The following ACAP2 variants were observed in gnomAD, a reference collection of about 807,000 sequenced individuals.
ACAP2 encodes the protein ArfGAP with coiled-coil, ankyrin repeat and PH domains 2.
ACAP2 carries 39 observed loss-of-function variants against 115.8 expected under a neutral mutation model. The observed-to-expected ratio is 0.34, with a 90% CI of 0.26 to 0.44. The LOEUF (loss-of-function observed/expected upper bound fraction) is 0.44, where lower values mean the gene tolerates loss of function less well. Among genes scored for constraint, ACAP2 ranks in the 20% least tolerant of loss-of-function variants. The pLI is 1.00. For missense variants in ACAP2, 662 were observed against 927.6 expected, an observed-to-expected ratio of 0.71 and a Z score of 3.72; for synonymous variants, 289 against 315.8, an observed-to-expected ratio of 0.92 and a Z score of 0.90.
intron 4 of ACAP2, among the ~76,000 whole-genome samples, chr3:195,350,859 A>G (rs1487358474): frequency 6.6e-6 from 1 of 152,112 alleles, no homozygotes; most frequent in East Asian, 1.9e-4. Flanking sequence ...AACATTTATA[A>G]AATTTAACTT....
chr3:195,295,266 C>A (rs766974719), intron 17 of ACAP2: 1 of 1,291,690 alleles, frequency 7.7e-7, no homozygotes, highest in South Asian at 1.2e-5. Flanking sequence ...AAAACAGAGA[C>A]TCCCGCCTGG....
At chr3:195,343,646 C>G (rs1194839203) in intron 5 of ACAP2, among the ~76,000 whole-genome samples, 1 of 152,150 alleles carries the variant, frequency 6.6e-6, no homozygotes, top group African/African-American at 2.4e-5. Context: ...TGGAACACAT[C>G]AATTTCTGAA....
intron 16 of ACAP2, among the ~76,000 whole-genome samples, 155 bp from the exon 17 acceptor site, chr3:195,296,047 T>C (rs926464024): frequency 2.0e-5 from 3 of 152,180 alleles, no homozygotes; most frequent in Non-Finnish European, 2.9e-5. Flanking sequence ...ATATATTATG[T>C]TTCCCTTCCA....
At chr3:195,352,285 T>C (rs1731663478) in intron 4 of ACAP2, among the ~76,000 whole-genome samples, 1 of 152,180 alleles carries the variant, frequency 6.6e-6, no homozygotes, top group Non-Finnish European at 1.5e-5. Context: ...CTGCCTAGGT[T>C]TGTGATAAGT....
intron 10 of ACAP2, among the ~76,000 whole-genome samples, chr3:195,314,676 C>T (rs1728976099): frequency 1.3e-5 from 2 of 152,160 alleles, no homozygotes; most frequent in East Asian, 1.9e-4. Context: ...AAACAAAAAA[C>T]GTGCCCTAAA....
chr3:195,316,774 ACT>A (rs1391544803), intron 10 of ACAP2, among the ~76,000 whole-genome samples: 1 of 152,036 alleles, frequency 6.6e-6, no homozygotes, highest in Admixed American at 6.6e-5. Context: ...TTTTATATTA[ACT>A]CTCAGGTTCA....
intron 22 of ACAP2, among the ~76,000 whole-genome samples, chr3:195,281,430 A>G (rs936063936): frequency 6.6e-6 from 1 of 152,164 alleles, no homozygotes; most frequent in African/African-American, 2.4e-5. Flanking sequence ...AGGAAAAAAA[A>G]TCTAATACTT....
chr3:195,309,489 T>G (rs1728622049), intron 10 of ACAP2, among the ~76,000 whole-genome samples: 1 of 149,636 alleles, frequency 6.7e-6, no homozygotes. Context: ...GAGGTTGCAG[T>G]GAGCCGAGAT....
intron 1 of ACAP2, among the ~76,000 whole-genome samples, chr3:195,421,982 TTC>T (rs1460519895): frequency 6.6e-6 from 1 of 152,210 alleles, no homozygotes; most frequent in Non-Finnish European, 1.5e-5. Flanking sequence ...ATTTCTGCTA[TTC>T]TGTTATATCC....
intron 3 of ACAP2, 34 bp downstream of exon 3, chr3:195,381,869 T>C (rs185671287): frequency 6.4e-7 from 1 of 1,566,598 alleles, no homozygotes; most frequent in Non-Finnish European, 8.6e-7. Flanking sequence ...TGCTTTTTTT[T>C]TTCATTTTTA....
In ACAP2 at chr3:195,300,888, G is replaced by C. The variant is rs544293434; in HGVS notation, c.1395+687C>G. On this transcript the variant is annotated intron_variant, in intron 15 of 22. Coordinates refer to ENST00000326793, the MANE Select transcript of ACAP2 (RefSeq NM_012287.6). ...AAAAATTAGCCAGGCATGGTGGCAT[G>C]CATCTGTGGTGTCAATTGCTTGGGG... 2.0e-5 allele frequency among the ~76,000 whole-genome samples: 3 copies of C among 152,122 alleles called. No individual in the cohort carries two copies. In the South Asian group the frequency reaches 6.2e-4, roughly 32 times the overall value.
intron 1 of ACAP2, among the ~76,000 whole-genome samples, chr3:195,429,322 T>C (rs1429669090): frequency 6.9e-6 from 1 of 144,232 alleles, no homozygotes; most frequent in Non-Finnish European, 1.5e-5. Flanking sequence ...CAGGAGGCAG[T>C]GAGCTGAGAT....
At chr3:195,289,597 G>A (rs570188092) in intron 20 of ACAP2, among the ~76,000 whole-genome samples, 28 of 151,664 alleles carry the variant, frequency 1.8e-4, no homozygotes, top group African/African-American at 6.3e-4. Flanking sequence ...TCAGGAGATC[G>A]AGACCATCCT....
chr3:195,368,533 C>T (rs193133765), intron 4 of ACAP2, among the ~76,000 whole-genome samples: 100 of 152,272 alleles, frequency 6.6e-4, no homozygotes, highest in African/African-American at 2.3e-3. Flanking sequence ...TCATCCAAAA[C>T]TATATTTTAC....
chr3:195,277,994 T>C lies in ACAP2; in HGVS notation c.*1334A>G, dbSNP rs1415805223. The C allele has an allele frequency of 6.6e-6, 1 of 151,524 alleles. No individual in the cohort carries two copies. The highest frequency in any genetic ancestry group is 2.4e-5 in the African/African-American group (1 of 41,152). 9.4% of individuals were successfully genotyped at this position (151,524 alleles called of 1,614,324 possible). ...TACTCGGGAGGCTGAGGCAGGAGAA[T>C]TGCTTGAACCCAAGAGGAGGAGGCT... On this transcript the variant is annotated 3_prime_UTR_variant, in exon 23 of 23. Coordinates refer to ENST00000326793, the MANE Select transcript of ACAP2 (RefSeq NM_012287.6).
chr3:195,321,674 C>T (rs1729465575), intron 9 of ACAP2, among the ~76,000 whole-genome samples: 1 of 148,914 alleles, frequency 6.7e-6, no homozygotes, highest in Non-Finnish European at 1.5e-5. Flanking sequence ...AGTGCAGTGG[C>T]ACAATCTCAG....
At chr3:195,340,117 T>A (rs1331977707) in intron 6 of ACAP2, among the ~76,000 whole-genome samples, 2 of 151,284 alleles carry the variant, frequency 1.3e-5, no homozygotes, top group African/African-American at 4.9e-5. Context: ...ACCAATTTCA[T>A]GAGAAGACTT....
intron 10 of ACAP2, among the ~76,000 whole-genome samples, chr3:195,313,181 AT>A (rs1479572640): frequency 6.6e-6 from 1 of 152,240 alleles, no homozygotes; most frequent in East Asian, 1.9e-4. Context: ...TGTACAATTA[AT>A]TCCAACTCTT....
intron 16 of ACAP2, among the ~76,000 whole-genome samples, chr3:195,296,935 G>A (rs762178254): frequency 1.1e-4 from 17 of 152,072 alleles, no homozygotes. Context: ...TTAACTGACT[G>A]TTAAGGGTTT....
Sources: allele counts gnomAD v4.1 joint callset (sites outside exome capture counted in the v4.1 genomes callset), GRCh38; gene constraint gnomAD v4.1.1; transcripts MANE v1.5; gene names NCBI Gene and HGNC (gene_info 2026-07-23, HGNC 2026-07-21).